Variants in LMO7 observed in about 807,000 individuals in gnomAD.
LMO7 encodes the protein LIM domain only protein 7.
LMO7 carries 120 observed loss-of-function variants against 206.5 expected under a neutral mutation model. That is an observed-to-expected ratio of 0.58 (90% CI 0.50 to 0.68). LMO7 has a LOEUF of 0.68. Among genes scored for constraint, LMO7 ranks in the 30% least tolerant of loss-of-function variants. LMO7 has a pLI of 0.00. For synonymous variants in LMO7, 706 were observed against 681.5 expected (o/e 1.04, Z -0.56); for missense variants, 1,959 against 1,957.9 (o/e 1.00, Z -0.01).
chr13:75,636,371 C>T lies in LMO7; in HGVS notation c.-287C>T, dbSNP rs1461193689. 1 of 1,264,622 alleles carries T rather than the reference C, an allele frequency of 7.9e-7. No individual in the cohort carries two copies. The highest frequency in any genetic ancestry group is 4.4e-5 in the East Asian group (1 of 22,864). The allele number at this position is 1,264,622 out of a possible 1,614,324, so 78.3% of individuals were successfully genotyped here. ...TGGTGCCGCGCGCTGCCGCTGGGCA[C>T]CCGCTTCGCTTCCCGCGTCCTGCCT... On this transcript the variant is annotated 5_prime_UTR_variant, in exon 1 of 31. Coordinates refer to ENST00000377534, the MANE Select transcript of LMO7 (RefSeq NM_001306080.2).
intron 11 of LMO7, among the ~76,000 whole-genome samples, chr13:75,811,774 T>G (rs1014324735): frequency 6.6e-6 from 1 of 152,210 alleles, no homozygotes; most frequent in African/African-American, 2.4e-5. Context: ...ACTTGAAAAT[T>G]TGGTCATGTG....
Position 75,795,441 on chromosome 13 carries a change from A to G in LMO7, c.348+10A>G, listed in dbSNP as rs755046248. 1.3e-6 allele frequency: 2 copies of G among 1,577,290 alleles called. No homozygotes were observed. Among genetic ancestry groups the G allele is most frequent in the Non-Finnish European group, 1.7e-6 (2 of 1,152,608 alleles). On this transcript the variant is annotated intron_variant, in intron 5 of 30. Coordinates refer to ENST00000377534, the MANE Select transcript of LMO7 (RefSeq NM_001306080.2). ...CAGGAGAGTGAAAAATGTAAGATAC[A>G]TTTACCTTAATGGAGCATTATAAGT... is the stretch of plus-strand genomic sequence containing the variant.
At chr13:75,796,531 G>A (rs2054032697) in intron 5 of LMO7, 105 bp from the exon 6 acceptor site, 2 of 611,914 alleles carry the variant, frequency 3.3e-6, no homozygotes, top group South Asian at 4.3e-5. Context: ...TTCACTTACA[G>A]AGTAATATGT....
chr13:75,856,065 C>G (rs917510044), intron 29 of LMO7, among the ~76,000 whole-genome samples: 2 of 152,076 alleles, frequency 1.3e-5, no homozygotes, highest in African/African-American at 4.8e-5. Context: ...AATATCCAGC[C>G]TTGAAGTGAG....
chr13:75,703,547 A>G (rs1307999023), intron 1 of LMO7, among the ~76,000 whole-genome samples: 2 of 152,194 alleles, frequency 1.3e-5, no homozygotes, highest in Admixed American at 1.3e-4. Flanking sequence ...ATGCTACCAC[A>G]TAGGGTTGCT....
Position 75,727,036 on chromosome 13 carries a change from A to G in LMO7, c.148A>G (p.Asn50Asp), listed in dbSNP as rs1481487525. 5 of 1,567,316 alleles carry G rather than the reference A, an allele frequency of 3.2e-6. No homozygotes were observed. The highest frequency in any genetic ancestry group is 3.5e-6 in the Non-Finnish European group (4 of 1,138,638). Reference protein sequence around the residue: ...ENGVLLCDLINKLKPGVIKKI... With the variant: ...ENGVLLCDLIDKLKPGVIKKI... Reference sequence around the variant, plus strand: ...TTATTTATTTACTTTCAGTTTGATTAATAAGCTTAAACCTGGCGTCATTAA... The same window carrying G: ...TTATTTATTTACTTTCAGTTTGATTGATAAGCTTAAACCTGGCGTCATTAA... Residue 50 changes from asparagine to aspartate, a missense_variant, in exon 3 of 31, where the codon AAT becomes GAT. Coordinates refer to ENST00000377534, the MANE Select transcript of LMO7 (RefSeq NM_001306080.2).
intron 1 of LMO7, among the ~76,000 whole-genome samples, chr13:75,672,125 T>C (rs1187920324): frequency 6.6e-6 from 1 of 152,054 alleles, no homozygotes; most frequent in Non-Finnish European, 1.5e-5. Flanking sequence ...TTGTTAAACC[T>C]GCAGATACAG....
intron 3 of LMO7, 165 bp from the exon 4 acceptor site, chr13:75,760,767 A>G (rs1378197996): frequency 6.5e-7 from 1 of 1,537,912 alleles, no homozygotes; most frequent in South Asian, 1.2e-5. Context: ...AGGCTGTACA[A>G]GCCCTATGTA....
chr13:75,645,225 G>C (rs2036904517), intron 1 of LMO7, among the ~76,000 whole-genome samples: 2 of 152,154 alleles, frequency 1.3e-5, no homozygotes, highest in Admixed American at 6.5e-5. Context: ...TTTTTGATTA[G>C]GATACTTTTT....
At chr13:75,782,991 A>G (rs1338245332) in intron 4 of LMO7, among the ~76,000 whole-genome samples, 1 of 152,216 alleles carries the variant, frequency 6.6e-6, no homozygotes, top group Non-Finnish European at 1.5e-5. Context: ...GAGTGGGGTC[A>G]TTATTCAACC....
In LMO7 at chr13:75,731,145, C is replaced by T. The variant is rs368105856; in HGVS notation, c.210+4047C>T. Among the ~76,000 whole-genome samples, 8 of 152,062 alleles carry T rather than the reference C, an allele frequency of 5.3e-5. No individual in the cohort carries two copies. The East Asian group carries it at 7.7e-4, about 15-fold the overall frequency. On this transcript the variant is annotated intron_variant, in intron 3 of 30. Transcript: ENST00000377534. The stretch of plus-strand genomic sequence containing the variant: ...AGAGTTCCGTAGATGTCTATTAGGT[C>T]CGCCTGGTGCAGAGCCGAGTTCAAT...
chr13:75,720,088 A>G (rs2043892323), intron 2 of LMO7, among the ~76,000 whole-genome samples: 1 of 152,206 alleles, frequency 6.6e-6, no homozygotes, highest in East Asian at 1.9e-4. Flanking sequence ...CTGATAACAT[A>G]TGATGTGGAG....
upstream of LMO7, among the ~76,000 whole-genome samples, chr13:75,633,896 G>T (rs2035368233): frequency 7.2e-6 from 1 of 138,440 alleles, no homozygotes. Context: ...TCCCCAGGCT[G>T]GAGTGCAGTG....
At position 75,753,420 on chromosome 13, in the gene LMO7, G is replaced by A. The variant is rs189305708; in HGVS notation, c.211-7512G>A. Among the ~76,000 whole-genome samples the A allele has an allele frequency of 9.4e-4, 143 of 152,124 alleles. 3 individuals are homozygous for A. The highest frequency in any genetic ancestry group is 1.2e-4 in the African/African-American group (5 of 41,500). ...GCAGAAGCCTTTTAGTTTAAATCCC[G>A]TTTGTCTATTCTTGTTTTTGTTGCC... On this transcript the variant is annotated intron_variant, in intron 3 of 30. Coordinates refer to ENST00000377534, the MANE Select transcript of LMO7 (RefSeq NM_001306080.2).
intron 25 of LMO7, 60 bp downstream of exon 25, chr13:75,842,976 A>C: frequency 9.7e-7 from 1 of 1,029,692 alleles, no homozygotes; most frequent in Non-Finnish European, 1.5e-6. Context: ...AATATTCCAG[A>C]GCTTGCATCG....
At chr13:75,812,809 G>A (rs977424153) in intron 11 of LMO7, among the ~76,000 whole-genome samples, 4 of 152,122 alleles carry the variant, frequency 2.6e-5, no homozygotes, top group South Asian at 2.1e-4. Context: ...TTCTAAATTG[G>A]AGCCTTTCCA....
At chr13:75,851,035 C>T (rs762885306) in intron 27 of LMO7, among the ~76,000 whole-genome samples, 3 of 152,154 alleles carry the variant, frequency 2.0e-5, no homozygotes, top group Non-Finnish European at 4.4e-5. Context: ...AGGAAAATCT[C>T]GCACCATGGC....
At chr13:75,788,550 C>T (rs2052782304) in intron 4 of LMO7, among the ~76,000 whole-genome samples, 1 of 151,842 alleles carries the variant, frequency 6.6e-6, no homozygotes. Context: ...TGCCTCCGCT[C>T]TTGCCCCAGA....
intron 1 of LMO7, among the ~76,000 whole-genome samples, chr13:75,709,591 G>A (rs370693117): frequency 8.5e-5 from 13 of 152,168 alleles, no homozygotes; most frequent in African/African-American, 1.4e-4. Flanking sequence ...CTGCATAAAT[G>A]TCTTCTTTTG....
Sources: gnomAD v4.1 joint callset for allele counts (sites outside exome capture counted in the v4.1 genomes callset) on GRCh38, gnomAD v4.1.1 for gene constraint, MANE v1.5 for transcripts, NCBI Gene and HGNC (gene_info 2026-07-23, HGNC 2026-07-21) for gene names.